Variants in PLEKHG3 observed in about 807,000 individuals in gnomAD.
PLEKHG3 encodes pleckstrin homology and RhoGEF domain containing G3, also known as pleckstrin homology domain-containing family G member 3.
PLEKHG3 carries 62 observed loss-of-function variants against 94.9 expected under a neutral mutation model. The ratio of observed to expected loss-of-function variants is 0.65; its 90% CI spans 0.53 to 0.81. PLEKHG3 has a LOEUF of 0.81. Ranked by LOEUF, PLEKHG3 falls within the 30% of genes least tolerant of loss-of-function variation. The pLI is 0.00. For synonymous variants in PLEKHG3, 614 were observed against 654.0 expected, an observed-to-expected ratio of 0.94 and a Z score of 0.93; for missense variants, 1,461 against 1,619.3, an observed-to-expected ratio of 0.90 and a Z score of 1.68.
At position 64,746,925 on chromosome 14, in the gene PLEKHG3, G is replaced by A. The variant is rs2081854781; in HGVS notation, c.*3222G>A. 6.6e-6 allele frequency: 1 copy of A among 152,624 alleles called. No individual in the cohort carries two copies. The highest frequency in any genetic ancestry group is 6.5e-5 in the Admixed American group (1 of 15,292). The allele number at this position is 152,624 out of a possible 1,614,324, so 9.5% of individuals were successfully genotyped here. ...AAAAAAGACCTTGCTAGGGCACTGG[G>A]AGAGCTTAGCCCTGGTGTGGCACAC... On this transcript the variant is annotated 3_prime_UTR_variant, in exon 17 of 17. Coordinates refer to ENST00000247226, the MANE Select transcript of PLEKHG3 (RefSeq NM_001308147.2). The surrounding 1 kb of genome is among the most constrained non-coding windows in gnomAD (Gnocchi z 4.9).
At position 64,743,130 on chromosome 14, in the gene PLEKHG3, T is replaced by C. The variant is rs748028854; in HGVS notation, c.3087T>C (p.Pro1029=). ...PSAVSQRTTS[P]GGRPSARSPL... ...CTGTCAGCCAGAGGACCACCTCGCC[T>C]GGGGGCCGGCCCTCCGCCCGGAGCC... The change falls in exon 17 of 17, where the codon CCT becomes CCC. Residue 1029 remains proline (P), a synonymous_variant. Coordinates refer to ENST00000247226, the MANE Select transcript of PLEKHG3 (RefSeq NM_001308147.2). This position sits in a 1 kb window ranked among gnomAD's most constrained non-coding sequence, Gnocchi z 7.2. The C allele has an allele frequency of 1.6e-5, 26 of 1,611,906 alleles. 1 individual carries two copies. The South Asian group carries it at 2.6e-4, about 16-fold the overall frequency.
chr14:64,732,657 T>C lies in PLEKHG3; in HGVS notation c.1247-146T>C, dbSNP rs879355930. ...CGGTGGGACTCTCAGTGCCTGAAGC[T>C]CCCAGCTGGAAGATGGAGGGAGCTC... On this transcript the variant is annotated intron_variant, in intron 11 of 16. Transcript: ENST00000247226. The surrounding 1 kb of genome is among the most constrained non-coding windows in gnomAD (Gnocchi z 4.9). The C allele has an allele frequency of 1.4e-4, 106 of 742,732 alleles. No individual in the cohort carries two copies. Among genetic ancestry groups the C allele is most frequent in the Non-Finnish European group, 2.3e-4 (100 of 435,444 alleles). The allele number at this position is 742,732 out of a possible 1,614,324, so 46.0% of individuals were successfully genotyped here.
At position 64,715,180 on chromosome 14, in the gene PLEKHG3, C is replaced by A. The variant is rs2081119970; in HGVS notation, c.-40+10476C>A. ...ATTTGGCTCCTTTCTGAGGTTGCCC[C>A]ATACTCTAGGAACTTGTGAGCAAAA... On this transcript the variant is annotated intron_variant, in intron 1 of 16. Transcript: ENST00000247226. The surrounding 1 kb of genome is among the most constrained non-coding windows in gnomAD (Gnocchi z 4.4). Among the ~76,000 whole-genome samples the A allele has an allele frequency of 6.6e-6, 1 of 152,102 alleles. No individual in the cohort carries two copies. The highest frequency in any genetic ancestry group is 2.4e-5 in the African/African-American group (1 of 41,410).
At position 64,743,594 on chromosome 14, in the gene PLEKHG3, C is replaced by T. The variant is rs750905898; in HGVS notation, c.3551C>T (p.Ala1184Val). The change falls in exon 17 of 17, where the codon GCA becomes GTA. Residue 1184 changes from alanine (A) to valine (V), a missense_variant. Physicochemically the swap from Ala to Val is moderately conservative, Grantham distance 64. Around this residue, in one of 3 missense-constraint regions of PLEKHG3, gnomAD observed 1,201 missense variants for 1,295.5 expected, o/e 0.93. Transcript: ENST00000247226. This position sits in a 1 kb window ranked among gnomAD's most constrained non-coding sequence, Gnocchi z 7.2. ...LGQVQDFQQS[A>V]ECQPKEEGSR... is the part of the protein sequence containing the mutation. ...CAGGTTCAGGACTTCCAGCAGTCTG[C>T]AGAGTGCCAGCCGAAGGAAGAGGGT... 1.2e-6 allele frequency: 2 copies of T among 1,612,948 alleles called. No individual in the cohort carries two copies. Among genetic ancestry groups the T allele is most frequent in the South Asian group, 2.2e-5 (2 of 91,074 alleles).
chr14:64,732,313 C>T lies in PLEKHG3; in HGVS notation c.1213-114C>T, dbSNP rs2081483465. 7 of 1,247,162 alleles carry T rather than the reference C, an allele frequency of 5.6e-6. No homozygotes were observed. The East Asian group carries it at 1.6e-4, about 29-fold the overall frequency. The allele number at this position is 1,247,162 out of a possible 1,614,324, so 77.3% of individuals were successfully genotyped here. A position where few individuals can be genotyped will look rare whatever the true frequency, so the allele number is the denominator to read the frequency against. On this transcript the variant is annotated intron_variant, in intron 10 of 16. Transcript: ENST00000247226. This position sits in a 1 kb window ranked among gnomAD's most constrained non-coding sequence, Gnocchi z 4.9. ...AGTGAGTGTCAGTACAGCAGATGCC[C>T]CGGGCCTTGGTGCAGCACTGTGGGG...
chr14:64,745,447 G>C lies in PLEKHG3; in HGVS notation c.*1744G>C. The C allele has an allele frequency of 6.6e-6, 1 of 152,266 alleles. No individual in the cohort carries two copies. Among genetic ancestry groups the C allele is most frequent in the East Asian group, 1.9e-4 (1 of 5,186 alleles). 9.4% of individuals were successfully genotyped at this position (152,266 alleles called of 1,614,324 possible). A position where few individuals can be genotyped will look rare whatever the true frequency, so the allele number is the denominator to read the frequency against. On this transcript the variant is annotated 3_prime_UTR_variant, in exon 17 of 17. Transcript: ENST00000247226. The surrounding 1 kb of genome is among the most constrained non-coding windows in gnomAD (Gnocchi z 5.0). ...GTCTAACAAGGTCAAGGGAAGATCA[G>C]AGGGACCCAGATTCTTTTTTATCCC...
chr14:64,717,726 C>T lies in PLEKHG3; in HGVS notation c.-39-9867C>T, dbSNP rs562747134. On this transcript the variant is annotated intron_variant, in intron 1 of 16. Transcript: ENST00000247226. This position sits in a 1 kb window ranked among gnomAD's most constrained non-coding sequence, Gnocchi z 4.7. Reference sequence around the variant, plus strand: ...GCTAATGTTCCCTCGATCTCTCGCTCCTCCTCGAAGCTGTCTCTGAATAGC... The same window carrying T: ...GCTAATGTTCCCTCGATCTCTCGCTTCTCCTCGAAGCTGTCTCTGAATAGC... Among the ~76,000 whole-genome samples the T allele has an allele frequency of 1.3e-5, 2 of 152,362 alleles. No individual in the cohort carries two copies. Among genetic ancestry groups the T allele is most frequent in the Middle Eastern group, 6.8e-3 (2 of 294 alleles).
chr14:64,736,717 G>C (rs1166587351), intron 12 of PLEKHG3, 136 bp from the exon 13 acceptor site: 2 of 730,928 alleles, frequency 2.7e-6, no homozygotes, highest in Non-Finnish European at 5.1e-6. Flanking sequence ...AGCTTCCCTG[G>C]GGCCTATGAC....
chr14:64,731,201 C>G lies in PLEKHG3; in HGVS notation c.849+32C>G, dbSNP rs1439853070. 6.5e-7 allele frequency: 1 copy of G among 1,540,298 alleles called. No homozygotes were observed. Among genetic ancestry groups the G allele is most frequent in the Non-Finnish European group, 8.9e-7 (1 of 1,118,924 alleles). On this transcript the variant is annotated intron_variant, in intron 7 of 16. Transcript: ENST00000247226. This position sits in a 1 kb window ranked among gnomAD's most constrained non-coding sequence, Gnocchi z 6.1. ...TGGGGCTGGGACGCTGGGGGAGGGG[C>G]AGGGCTGGGTGGGCCAGGCTTCCGC...
At position 64,731,179 on chromosome 14, in the gene PLEKHG3, G is replaced by C. The variant is rs200916642; in HGVS notation, c.849+10G>C. ...CGCGGTCCGGCTCCAGGTGCTCTGG[G>C]GCTGGGACGCTGGGGGAGGGGCAGG... On this transcript the variant is annotated intron_variant, in intron 7 of 16. Transcript: ENST00000247226. The surrounding 1 kb of genome is among the most constrained non-coding windows in gnomAD (Gnocchi z 6.1). 4 of 1,606,252 alleles carry C rather than the reference G, an allele frequency of 2.5e-6. No individual in the cohort carries two copies. The African/African-American group carries it at 5.3e-5, about 21-fold the overall frequency.
rs1411514208 is a variant in PLEKHG3, at chr14:64,749,579, C to T, written c.*5876C>T. 12 of 1,607,922 alleles carry T rather than the reference C, an allele frequency of 7.5e-6. No individual in the cohort carries two copies. The highest frequency in any genetic ancestry group is 9.3e-6 in the Non-Finnish European group (11 of 1,179,186). ...TTGGGACTGCCCCTTCTGAGGGGGCCTCCAGGGCAAGCGGCCTGGGGTCCT... is the reference window on the plus strand; with the variant it reads ...TTGGGACTGCCCCTTCTGAGGGGGCTTCCAGGGCAAGCGGCCTGGGGTCCT... On this transcript the variant is annotated 3_prime_UTR_variant, in exon 17 of 17. Transcript: ENST00000247226. The surrounding 1 kb of genome is among the most constrained non-coding windows in gnomAD (Gnocchi z 4.7).
rs1213440795 is a variant in PLEKHG3, at chr14:64,722,653, C to T, written c.-39-4940C>T. ...AAGCAGCTGTGGTGCGGTGTGGCTT[C>T]TCATTCTTGAGTGTGGGGTGAAGGG... is the stretch of plus-strand genomic sequence containing the variant. On this transcript the variant is annotated intron_variant, in intron 1 of 16. Coordinates refer to ENST00000247226, the MANE Select transcript of PLEKHG3 (RefSeq NM_001308147.2). This position sits in a 1 kb window ranked among gnomAD's most constrained non-coding sequence, Gnocchi z 4.3. Among the ~76,000 whole-genome samples, 1 of 152,166 alleles carries T rather than the reference C, an allele frequency of 6.6e-6. No homozygotes were observed. The highest frequency in any genetic ancestry group is 1.5e-5 in the Non-Finnish European group (1 of 68,030).
Position 64,738,604 on chromosome 14 carries a change from C to A in PLEKHG3, c.1405-138C>A, listed in dbSNP as rs773942858. 4.3e-5 allele frequency: 29 copies of A among 672,458 alleles called. No individual in the cohort carries two copies. Among genetic ancestry groups the A allele is most frequent in the Non-Finnish European group, 3.4e-5 (13 of 382,018 alleles). 41.7% of individuals were successfully genotyped at this position (672,458 alleles called of 1,614,324 possible). A position where few individuals can be genotyped will look rare whatever the true frequency, so the allele number is the denominator to read the frequency against. On this transcript the variant is annotated intron_variant, in intron 14 of 16. Transcript: ENST00000247226. This position sits in a 1 kb window ranked among gnomAD's most constrained non-coding sequence, Gnocchi z 4.8. ...CCAGGCCTGGCAGTTCAGGTTGGCT[C>A]TGGAATGGCTCAGGTCCAAGACTGG...
In PLEKHG3 at chr14:64,742,197, A is replaced by G; in HGVS notation, c.2680A>G (p.Ser894Gly). 6.2e-7 allele frequency: 1 copy of G among 1,613,002 alleles called. No individual in the cohort carries two copies. The highest frequency in any genetic ancestry group is 1.7e-5 in the Admixed American group (1 of 60,022). The change falls in exon 16 of 17, where the codon AGT becomes GGT. Residue 894 changes from serine to glycine, a missense_variant. By Grantham distance (56) the Ser-to-Gly change is moderately conservative. This residue lies in a region of PLEKHG3 where 1,201 missense variants were observed against 1,295.5 expected (regional missense o/e 0.93). Coordinates refer to ENST00000247226, the MANE Select transcript of PLEKHG3 (RefSeq NM_001308147.2). ...LKELVKELSS[S>G]TQGELVAPLH... ...AGAGCTGGTGAAGGAGCTGAGCAGC[A>G]GTACCCAGGGGGAGCTGGTGGCCCC...
chr14:64,711,494 A>C (rs1450996200), intron 1 of PLEKHG3, among the ~76,000 whole-genome samples: 1 of 151,906 alleles, frequency 6.6e-6, no homozygotes, highest in African/African-American at 2.4e-5. Flanking sequence ...GCTCACTGCA[A>C]GCTCCGTCTC....
At position 64,715,941 on chromosome 14, in the gene PLEKHG3, G is replaced by A. The variant is rs139698421; in HGVS notation, c.-40+11237G>A. On this transcript the variant is annotated intron_variant, in intron 1 of 16. Transcript: ENST00000247226. This position sits in a 1 kb window ranked among gnomAD's most constrained non-coding sequence, Gnocchi z 4.4. ...TTATTGACGAAGTTTTGCAGGAGGCGGCGGGCGCTTTAATTCCCGAGGCTG... is the reference window on the plus strand; with the variant it reads ...TTATTGACGAAGTTTTGCAGGAGGCAGCGGGCGCTTTAATTCCCGAGGCTG... 7.8e-4 allele frequency: 338 copies of A among 435,608 alleles called. 2 individuals are homozygous for A. Among genetic ancestry groups the A allele is most frequent in the East Asian group, 6.8e-3 (94 of 13,870 alleles). The allele number at this position is 435,608 out of a possible 1,614,324, so 27.0% of individuals were successfully genotyped here.
Position 64,735,182 on chromosome 14 carries a change from G to A in PLEKHG3, c.1346-1671G>A, listed in dbSNP as rs576975101. Among the ~76,000 whole-genome samples, 18 of 152,300 alleles carry A rather than the reference G, an allele frequency of 1.2e-4. 1 individual carries two copies. Among genetic ancestry groups the A allele is most frequent in the African/African-American group, 4.3e-4 (18 of 41,566 alleles). On this transcript the variant is annotated intron_variant, in intron 12 of 16. Coordinates refer to ENST00000247226, the MANE Select transcript of PLEKHG3 (RefSeq NM_001308147.2). Reference sequence around the variant, plus strand: ...TGCTTGAGGGGCCCCAGAGGCTGTGGGTTGCCATAGAGACAGCCTGTGTTT... The same window carrying A: ...TGCTTGAGGGGCCCCAGAGGCTGTGAGTTGCCATAGAGACAGCCTGTGTTT...
intron 15 of PLEKHG3, among the ~76,000 whole-genome samples, chr14:64,740,796 T>A (rs1594711965): frequency 6.6e-6 from 1 of 152,228 alleles, no homozygotes; most frequent in African/African-American, 2.4e-5. Flanking sequence ...GCATTCTTAC[T>A]GTTTTCCTTG....
At chr14:64,709,233 TTAGAG>T (rs1242837910) in intron 1 of PLEKHG3, among the ~76,000 whole-genome samples, 1 of 152,176 alleles carries the variant, frequency 6.6e-6, no homozygotes, top group Non-Finnish European at 1.5e-5. Flanking sequence ...GGTCCCACCC[TTAGAG>T]TAATCTGGGC....
Sources: gnomAD v4.1 joint callset for allele counts (sites outside exome capture counted in the v4.1 genomes callset) on GRCh38, gnomAD v4.1.1 for gene constraint, gnomAD v4.1.1 regional missense constraint, Gnocchi (gnomAD v3.1) non-coding constraint, MANE v1.5 for transcripts, NCBI Gene and HGNC (gene_info 2026-07-23, HGNC 2026-07-21) for gene names.